CDK15: variants seen among roughly 807,000 people sequenced by gnomAD.
The protein encoded by CDK15 is cyclin dependent kinase 15.
Under a neutral mutation model 60.3 loss-of-function variants are expected in CDK15, and 62 were observed. The ratio of observed to expected loss-of-function variants is 1.03; its 90% CI spans 0.84 to 1.27. CDK15 has a LOEUF of 1.27. Among genes scored for constraint, CDK15 ranks in the 50% most tolerant of loss-of-function variants. The pLI is 0.00. For synonymous variants in CDK15, 194 were observed against 195.7 expected (o/e 0.99, Z 0.07); for missense variants, 541 against 527.8 (o/e 1.03, Z -0.25).
At chr2:201,843,342 A>G (rs1239072316) in intron 8 of CDK15, among the ~76,000 whole-genome samples, 1 of 152,030 alleles carries the variant, frequency 6.6e-6, no homozygotes, top group Non-Finnish European at 1.5e-5. Context: ...ACACACCACC[A>G]TACCCGGCTA....
intron 6 of CDK15, among the ~76,000 whole-genome samples, chr2:201,829,978 T>C (rs902254990): frequency 3.9e-5 from 6 of 152,060 alleles, no homozygotes; most frequent in Non-Finnish European, 5.9e-5. Flanking sequence ...TGACTAATTT[T>C]TGTATTTTTA....
intron 10 of CDK15, among the ~76,000 whole-genome samples, chr2:201,855,204 A>G (rs185762408): frequency 6.6e-6 from 1 of 152,346 alleles, no homozygotes; most frequent in Admixed American, 6.5e-5. Flanking sequence ...TTCCACATCC[A>G]TTGTCAAATA....
intron 13 of CDK15, among the ~76,000 whole-genome samples, chr2:201,891,952 C>G (rs894269813): frequency 1.3e-5 from 2 of 152,234 alleles, no homozygotes; most frequent in South Asian, 2.1e-4. Flanking sequence ...TACACACCCC[C>G]CAACAATATC....
intron 8 of CDK15, among the ~76,000 whole-genome samples, chr2:201,840,609 T>C (rs1167202581): frequency 6.6e-6 from 1 of 152,234 alleles, no homozygotes; most frequent in Admixed American, 6.5e-5. Flanking sequence ...TTCTTCGTTT[T>C]TGTTTTCAGA....
intron 10 of CDK15, chr2:201,861,620 G>A: frequency 1.3e-6 from 1 of 783,418 alleles, no homozygotes; most frequent in Non-Finnish European, 1.5e-6. Flanking sequence ...GAGTGCAGTG[G>A]CATGATCTCG....
At chr2:201,829,375 G>A (rs1696650463) in intron 6 of CDK15, among the ~76,000 whole-genome samples, 1 of 152,182 alleles carries the variant, frequency 6.6e-6, no homozygotes, top group African/African-American at 2.4e-5. Context: ...ATGATGGTGG[G>A]AGAAAGTGGA....
At chr2:201,870,521 C>CAAA (rs57674133) in intron 10 of CDK15, among the ~76,000 whole-genome samples, 1 of 134,300 alleles carries the variant, frequency 7.4e-6, no homozygotes. Context: ...CCAGCCTGGA[C>CAAA]AAAAAAAAAA....
At chr2:201,845,444 A>G (rs1428390559) in intron 8 of CDK15, among the ~76,000 whole-genome samples, 1 of 152,176 alleles carries the variant, frequency 6.6e-6, no homozygotes, top group Non-Finnish European at 1.5e-5. Context: ...ACAATCAATG[A>G]AAAGTAATCT....
At chr2:201,818,331 TC>T (rs1696078889) in intron 4 of CDK15, among the ~76,000 whole-genome samples, 2 of 152,242 alleles carry the variant, frequency 1.3e-5, no homozygotes, top group Admixed American at 1.3e-4. Context: ...TACTTTTGTG[TC>T]TTTTCTTTGA....
chr2:201,860,676 G>A, intron 10 of CDK15: 1 of 1,348,008 alleles, frequency 7.4e-7, no homozygotes, highest in Non-Finnish European at 9.8e-7. Flanking sequence ...TGTACCATAA[G>A]CGACAGGCCA....
intron 8 of CDK15, 73 bp downstream of exon 8, chr2:201,835,836 A>G: frequency 8.3e-7 from 1 of 1,205,410 alleles, no homozygotes. Context: ...TTATATTTTA[A>G]TAATAATTCT....
intron 7 of CDK15, 129 bp downstream of exon 7, chr2:201,834,100 C>CA: frequency 9.0e-7 from 1 of 1,110,506 alleles, no homozygotes; most frequent in Non-Finnish European, 1.2e-6. Flanking sequence ...GTGAGGATAT[C>CA]AAACTACCAC....
chr2:201,840,364 A>C (rs764159564), intron 8 of CDK15, among the ~76,000 whole-genome samples: 2 of 152,182 alleles, frequency 1.3e-5, no homozygotes, highest in Non-Finnish European at 2.9e-5. Flanking sequence ...TTTTTAACCT[A>C]CCAATGAAAG....
At chr2:201,839,592 A>G (rs1286288699) in intron 8 of CDK15, among the ~76,000 whole-genome samples, 1 of 152,190 alleles carries the variant, frequency 6.6e-6, no homozygotes, top group Non-Finnish European at 1.5e-5. Context: ...CTCAGAAAAT[A>G]CCAACATAAT....
intron 12 of CDK15, among the ~76,000 whole-genome samples, chr2:201,883,500 T>C (rs1292381658): frequency 6.6e-6 from 1 of 152,222 alleles, no homozygotes; most frequent in Non-Finnish European, 1.5e-5. Flanking sequence ...CAGGGGGTTA[T>C]TTGCCATGAA....
At chr2:201,884,705 A>G (rs910789483) in intron 12 of CDK15, among the ~76,000 whole-genome samples, 1 of 152,104 alleles carries the variant, frequency 6.6e-6, no homozygotes, top group Admixed American at 6.5e-5. Flanking sequence ...TCTCTTCTGA[A>G]TCTGTTCCAA....
chr2:201,821,990 C>G (rs977905544), intron 4 of CDK15, among the ~76,000 whole-genome samples: 6 of 152,188 alleles, frequency 3.9e-5, no homozygotes, highest in Non-Finnish European at 8.8e-5. Context: ...CTCATGGTCT[C>G]TTTATTGTAC....
At chr2:201,891,007 G>C in intron 13 of CDK15, 80 bp downstream of exon 13, 1 of 715,612 alleles carries the variant, frequency 1.4e-6, no homozygotes. Context: ...CATTGCTCAG[G>C]GATTCAGAGC....
chr2:201,842,296 T>A (rs989020246), intron 8 of CDK15, among the ~76,000 whole-genome samples: 1 of 152,210 alleles, frequency 6.6e-6, no homozygotes, highest in African/African-American at 2.4e-5. Context: ...TCAAGGTTCA[T>A]CCATGTCGTA....
Sources: allele counts gnomAD v4.1 joint callset (sites outside exome capture counted in the v4.1 genomes callset), GRCh38; gene constraint gnomAD v4.1.1; transcripts MANE v1.5; gene names NCBI Gene and HGNC (gene_info 2026-07-23, HGNC 2026-07-21).